Variants in LRRC49 observed in about 807,000 individuals in gnomAD.
LRRC49 encodes leucine rich repeat containing 49.
In LRRC49, 50 loss-of-function variants were observed where a neutral mutation model predicts 83.3. The ratio of observed to expected loss-of-function variants is 0.60; its 90% confidence interval spans 0.48 to 0.76. The LOEUF is 0.76. LRRC49 is among the 30% of genes least tolerant of loss of function. LRRC49 has a pLI of 0.00. For missense variants in LRRC49, 704 were observed against 809.1 expected, an observed-to-expected ratio of 0.87 and a Z score of 1.58; for synonymous variants, 286 against 283.3, an observed-to-expected ratio of 1.01 and a Z score of -0.10.
At chr15:71,022,622 G>A (rs2039029657) in intron 14 of LRRC49, among the ~76,000 whole-genome samples, 1 of 152,086 alleles carries the variant, frequency 6.6e-6, no homozygotes, top group African/African-American at 2.4e-5. Flanking sequence ...ATGATAATAG[G>A]TTCAGTTCAC....
At chr15:71,003,409 C>T (rs1444732701) in intron 11 of LRRC49, among the ~76,000 whole-genome samples, 1 of 152,146 alleles carries the variant, frequency 6.6e-6, no homozygotes, top group Admixed American at 6.6e-5. Flanking sequence ...TGGGAAAACA[C>T]ATTTTAAACA....
At position 70,904,865 on chromosome 15, in the gene LRRC49, T is replaced by A. The variant is rs544144560; in HGVS notation, c.500+110T>A. On this transcript the variant is annotated intron_variant, in intron 5 of 15. Transcript: ENST00000260382. ...AAGAAATGAATAGGCTAAAATTTTT[T>A]AAAAATTATTTGAATTAGTTGAATG... 1,893 of 760,944 alleles carry A rather than the reference T, an allele frequency of 2.5e-3. 5 individuals are homozygous for A. Among genetic ancestry groups the A allele is most frequent in the Middle Eastern group, 0.019 (55 of 2,930 alleles). 47.1% of individuals were successfully genotyped at this position (760,944 alleles called of 1,614,324 possible).
upstream of LRRC49, chr15:70,891,752 G>T: frequency 8.4e-7 from 1 of 1,193,094 alleles, no homozygotes; most frequent in South Asian, 1.6e-5. Flanking sequence ...AGGAACTTTC[G>T]AGATGAGGTG....
chr15:70,991,593 A>AT (rs1022429663), intron 11 of LRRC49, among the ~76,000 whole-genome samples: 11 of 152,156 alleles, frequency 7.2e-5, no homozygotes, highest in Non-Finnish European at 8.8e-5. Context: ...ACTTTGTGGA[A>AT]TTTTTTTCGG....
intron 7 of LRRC49, among the ~76,000 whole-genome samples, chr15:70,935,373 C>G (rs1279648298): frequency 1.3e-5 from 2 of 152,018 alleles, no homozygotes; most frequent in African/African-American, 4.8e-5. Flanking sequence ...TTCATTTTTC[C>G]TTTGCTCCCT....
intron 14 of LRRC49, among the ~76,000 whole-genome samples, chr15:71,036,103 G>A (rs1438157485): frequency 6.6e-6 from 1 of 152,078 alleles, no homozygotes; most frequent in African/African-American, 2.4e-5. Flanking sequence ...GTGATGATGA[G>A]CATTTTTTCA....
intron 3 of LRRC49, among the ~76,000 whole-genome samples, chr15:70,896,683 T>C (rs971604152): frequency 1.1e-4 from 16 of 152,302 alleles, no homozygotes; most frequent in Admixed American, 5.9e-4. Context: ...AATCCACATA[T>C]ACAAAACTGC....
At chr15:71,027,551 G>A (rs1310920573) in intron 14 of LRRC49, among the ~76,000 whole-genome samples, 1 of 152,116 alleles carries the variant, frequency 6.6e-6, no homozygotes, top group African/African-American at 2.4e-5. Context: ...CCATTTTCAT[G>A]ATATTGATTC....
chr15:71,042,101 C>G (rs2039713704), intron 15 of LRRC49, among the ~76,000 whole-genome samples: 1 of 152,112 alleles, frequency 6.6e-6, no homozygotes, highest in African/African-American at 2.4e-5. Context: ...TTTTTTAACA[C>G]CATAGATGCA....
upstream of LRRC49, chr15:70,891,694 T>C: frequency 1.5e-6 from 1 of 675,482 alleles, no homozygotes; most frequent in Non-Finnish European, 2.4e-6. Flanking sequence ...AAGTGGGACC[T>C]TGGAGATCAC....
intron 11 of LRRC49, among the ~76,000 whole-genome samples, chr15:70,990,012 C>T (rs1450399667): frequency 1.3e-5 from 2 of 152,074 alleles, no homozygotes; most frequent in African/African-American, 4.8e-5. Context: ...AGAGGAGTAC[C>T]CGGCTGTGTG....
intron 4 of LRRC49, 131 bp downstream of exon 4, chr15:70,901,155 T>A (rs117765060): frequency 1.8e-6 from 1 of 562,426 alleles, no homozygotes. Context: ...TTAGATATAA[T>A]TTTTTTAACC....
chr15:70,998,148 T>C (rs1477234711), intron 11 of LRRC49, among the ~76,000 whole-genome samples: 1 of 152,184 alleles, frequency 6.6e-6, no homozygotes, highest in Non-Finnish European at 1.5e-5. Flanking sequence ...AAACATTGTG[T>C]GCACATTATA....
chr15:70,997,730 G>A (rs543337230), intron 11 of LRRC49, among the ~76,000 whole-genome samples: 5 of 152,234 alleles, frequency 3.3e-5, no homozygotes, highest in Admixed American at 6.5e-5. Flanking sequence ...CAGCCTGGGC[G>A]ACAGAGCATG....
At chr15:70,894,106 G>T (rs919138720) in intron 2 of LRRC49, among the ~76,000 whole-genome samples, 5 of 152,100 alleles carry the variant, frequency 3.3e-5, no homozygotes, top group Admixed American at 3.3e-4. Flanking sequence ...ATGTTGCCCA[G>T]GCTGTTCTCG....
chr15:71,008,683 G>A, intron 12 of LRRC49, 67 bp downstream of exon 12: 1 of 1,142,528 alleles, frequency 8.8e-7, no homozygotes, highest in South Asian at 1.4e-5. Flanking sequence ...TCAGGCCAAA[G>A]ACCTGTTTTA....
chr15:70,977,696 TA>T (rs1310070471), intron 9 of LRRC49, among the ~76,000 whole-genome samples: 1 of 152,180 alleles, frequency 6.6e-6, no homozygotes, highest in Admixed American at 6.6e-5. Flanking sequence ...AAAGACACTT[TA>T]AATTCACTAA....
intron 14 of LRRC49, among the ~76,000 whole-genome samples, chr15:71,013,180 C>A (rs1284994042): frequency 6.6e-6 from 1 of 152,066 alleles, no homozygotes; most frequent in African/African-American, 2.4e-5. Flanking sequence ...AGGGACTAAC[C>A]ATATTTTGGA....
intron 1 of LRRC49, 106 bp from the exon 2 acceptor site, chr15:70,893,478 T>C (rs911471838): frequency 3.0e-5 from 21 of 704,738 alleles, no homozygotes; most frequent in African/African-American, 1.3e-4. Context: ...AAATAGAGCA[T>C]TGTGTTCTAT....
Sources: gnomAD v4.1 joint callset for allele counts (sites outside exome capture counted in the v4.1 genomes callset) on GRCh38, gnomAD v4.1.1 for gene constraint, MANE v1.5 for transcripts, NCBI Gene and HGNC (gene_info 2026-07-23, HGNC 2026-07-21) for gene names.